SNX29: variants seen among roughly 807,000 people sequenced by gnomAD.
SNX29 encodes sorting nexin-29.
A neutral mutation model predicts 102.1 loss-of-function variants in SNX29; 78 were observed. The ratio of observed to expected loss-of-function variants is 0.76; its 90% CI spans 0.64 to 0.92. The LOEUF (loss-of-function observed/expected upper bound fraction) is 0.92, where lower values mean the gene tolerates loss of function less well. Among genes scored for constraint, SNX29 ranks in the 40% least tolerant of loss-of-function variants. SNX29 has a pLI of 0.00. For synonymous variants in SNX29, 580 were observed against 414.5 expected, an observed-to-expected ratio of 1.40 and a Z score of -4.85; for missense variants, 1,280 against 1,061.7, an observed-to-expected ratio of 1.21 and a Z score of -2.86.
At chr16:12,498,053 G>T (rs1363502727) in intron 19 of SNX29, among the ~76,000 whole-genome samples, 1 of 152,218 alleles carries the variant, frequency 6.6e-6, no homozygotes, top group African/African-American at 2.4e-5. Flanking sequence ...GTGGGGAGAA[G>T]GGAAAGAGAG....
Position 12,570,196 on chromosome 16 carries a change from C to CT in SNX29, c.*1569dup. The CT allele has an allele frequency of 9.4e-7, 1 of 1,065,452 alleles. No individual in the cohort carries two copies. The highest frequency in any genetic ancestry group is 1.1e-6 in the Non-Finnish European group (1 of 879,246). The allele number at this position is 1,065,452 out of a possible 1,614,324, so 66.0% of individuals were successfully genotyped here. A position where few individuals can be genotyped will look rare whatever the true frequency, so the allele number is the denominator to read the frequency against. ...AGAGAAACCGAGTCAGCCTACATGACTTCCAAGGGGACCTGGGGCCAGATA... is the reference window on the plus strand; with the variant it reads ...AGAGAAACCGAGTCAGCCTACATGACTTTCCAAGGGGACCTGGGGCCAGATA... On this transcript the variant is annotated 3_prime_UTR_variant, in exon 21 of 21. Coordinates refer to ENST00000566228, the MANE Select transcript of SNX29 (RefSeq NM_032167.5).
intron 3 of SNX29, among the ~76,000 whole-genome samples, chr16:12,025,562 T>TAC (rs1239728330): frequency 3.3e-5 from 5 of 152,080 alleles, no homozygotes; most frequent in Non-Finnish European, 7.4e-5. Flanking sequence ...CCAAGCAGTA[T>TAC]GGTTGAGGGG....
At chr16:12,391,968 C>A (rs899780396) in intron 16 of SNX29, among the ~76,000 whole-genome samples, 1 of 152,222 alleles carries the variant, frequency 6.6e-6, no homozygotes, top group Non-Finnish European at 1.5e-5. Context: ...AGGAATAGAT[C>A]ATCGTCTCTC....
intron 13 of SNX29, among the ~76,000 whole-genome samples, chr16:12,156,072 A>C (rs909426826): frequency 6.6e-6 from 1 of 152,010 alleles, no homozygotes; most frequent in South Asian, 2.1e-4. Flanking sequence ...CGTGGCGCAC[A>C]CCCCCCCACA....
intron 19 of SNX29, among the ~76,000 whole-genome samples, chr16:12,502,719 G>A (rs1015108753): frequency 1.3e-5 from 2 of 152,192 alleles, no homozygotes; most frequent in African/African-American, 4.8e-5. Context: ...CGTGAAACAT[G>A]AACTTTAAAT....
At chr16:12,117,043 G>A (rs952209676) in intron 11 of SNX29, among the ~76,000 whole-genome samples, 7 of 135,482 alleles carry the variant, frequency 5.2e-5, no homozygotes, top group South Asian at 2.5e-4. Context: ...GGAAACAGGC[G>A]TGTTCAATAC....
At chr16:12,252,000 G>A (rs1459241878) in intron 14 of SNX29, among the ~76,000 whole-genome samples, 1 of 152,126 alleles carries the variant, frequency 6.6e-6, no homozygotes, top group Non-Finnish European at 1.5e-5. Flanking sequence ...GCCTCAAGCA[G>A]TCCTCTCACC....
At chr16:12,229,927 A>T (rs1230023629) in intron 14 of SNX29, among the ~76,000 whole-genome samples, 1 of 152,128 alleles carries the variant, frequency 6.6e-6, no homozygotes, top group East Asian at 1.9e-4. Context: ...GGGTTCAGCA[A>T]ACTTTTTCTA....
rs372117137 is a variant in SNX29, at chr16:12,554,933, A to C, written c.2319-13573A>C. ...GGGAGAGGGGCTGAGGAGGGCAGCAAGCACGGCCTCTGGAGAAAACAATGG... is the reference window on the plus strand; with the variant it reads ...GGGAGAGGGGCTGAGGAGGGCAGCACGCACGGCCTCTGGAGAAAACAATGG... On this transcript the variant is annotated intron_variant, in intron 20 of 20. Coordinates refer to ENST00000566228, the MANE Select transcript of SNX29 (RefSeq NM_032167.5). Among the ~76,000 whole-genome samples, 9 of 151,288 alleles carry C rather than the reference A, an allele frequency of 5.9e-5. No individual in the cohort carries two copies. The East Asian group carries it at 1.7e-3, about 29-fold the overall frequency.
At chr16:12,070,707 T>TG (rs1490968165) in intron 10 of SNX29, among the ~76,000 whole-genome samples, 1 of 151,988 alleles carries the variant, frequency 6.6e-6, no homozygotes, top group Non-Finnish European at 1.5e-5. Context: ...ATGGGATGGC[T>TG]GGGTCAAATG....
chr16:12,267,397 T>C (rs16959097), intron 14 of SNX29, among the ~76,000 whole-genome samples: 4,583 of 152,228 alleles, frequency 0.03, 102 homozygotes, highest in Admixed American at 0.063. Context: ...TTTTCTAAAA[T>C]CCAGCCCTCC....
At chr16:12,283,672 C>T (rs2079504768) in intron 15 of SNX29, among the ~76,000 whole-genome samples, 1 of 152,192 alleles carries the variant, frequency 6.6e-6, no homozygotes, top group Non-Finnish European at 1.5e-5. Flanking sequence ...AGCTCTTCCT[C>T]ATGCCAAGAG....
intron 18 of SNX29, among the ~76,000 whole-genome samples, chr16:12,436,408 G>T (rs2085541003): frequency 1.3e-5 from 2 of 152,252 alleles, no homozygotes; most frequent in South Asian, 4.1e-4. Flanking sequence ...ACATTTCCGT[G>T]TGTAAGGTGT....
intron 16 of SNX29, among the ~76,000 whole-genome samples, chr16:12,380,695 T>TTCAC (rs2083067447): frequency 1.3e-5 from 1 of 78,130 alleles, no homozygotes; most frequent in Non-Finnish European, 2.4e-5. Flanking sequence ...CATCCACCCA[T>TTCAC]CCACCCACCA....
intron 13 of SNX29, among the ~76,000 whole-genome samples, chr16:12,162,010 C>T (rs1385863272): frequency 6.6e-6 from 1 of 152,174 alleles, no homozygotes; most frequent in Non-Finnish European, 1.5e-5. Flanking sequence ...CCCTCACCAC[C>T]CCTGTTGGTT....
chr16:11,984,230 G>C (rs2055509324), intron 1 of SNX29, among the ~76,000 whole-genome samples: 1 of 152,058 alleles, frequency 6.6e-6, no homozygotes. Flanking sequence ...ATGTAGTGGT[G>C]CATGCCCATG....
intron 13 of SNX29, among the ~76,000 whole-genome samples, chr16:12,140,443 C>T (rs2054830425): frequency 6.6e-6 from 1 of 152,188 alleles, no homozygotes; most frequent in Admixed American, 6.5e-5. Context: ...GCTGGCTTTC[C>T]CTCACCTGAA....
At chr16:12,395,642 C>T (rs564382875) in intron 16 of SNX29, among the ~76,000 whole-genome samples, 1 of 152,166 alleles carries the variant, frequency 6.6e-6, no homozygotes, top group South Asian at 2.1e-4. Context: ...GGTTTGTGCC[C>T]CATATTGAGG....
intron 13 of SNX29, among the ~76,000 whole-genome samples, chr16:12,182,998 A>C (rs2076425256): frequency 1.3e-5 from 2 of 149,492 alleles, no homozygotes; most frequent in African/African-American, 4.9e-5. Context: ...TTTATTCATC[A>C]CTCTTTTTTC....
Sources: allele counts gnomAD v4.1 joint callset (sites outside exome capture counted in the v4.1 genomes callset), GRCh38; gene constraint gnomAD v4.1.1; transcripts MANE v1.5; gene names NCBI Gene and HGNC (gene_info 2026-07-23, HGNC 2026-07-21).